AKR1D1: variants seen among roughly 807,000 people sequenced by gnomAD.
AKR1D1 encodes the protein delta(4)-3-ketosteroid 5-beta-reductase.
Under a neutral mutation model 42.6 loss-of-function variants are expected in AKR1D1, and 32 were observed. That is an observed-to-expected ratio of 0.75 (90% CI 0.57 to 1.01). The LOEUF is 1.01. Ranked by LOEUF, AKR1D1 falls within the 50% of genes least tolerant of loss-of-function variation. AKR1D1 has a pLI of 0.00. For missense variants in AKR1D1, 364 were observed against 402.2 expected, an observed-to-expected ratio of 0.91 and a Z score of 0.81; for synonymous variants, 123 against 135.5, an observed-to-expected ratio of 0.91 and a Z score of 0.64.
chr7:138,078,616 C>T (rs1004679853), intron 1 of AKR1D1, among the ~76,000 whole-genome samples: 1 of 152,198 alleles, frequency 6.6e-6, no homozygotes, highest in Non-Finnish European at 1.5e-5. Flanking sequence ...CAGAGATTCT[C>T]AAAGCTATAT....
chr7:138,076,631 C>T lies in AKR1D1; in HGVS notation c.93+20C>T, dbSNP rs1254052412. 7.0e-6 allele frequency: 11 copies of T among 1,575,630 alleles called. No homozygotes were observed. Among genetic ancestry groups the T allele is most frequent in the African/African-American group, 1.4e-5 (1 of 74,004 alleles). On this transcript the variant is annotated intron_variant, in intron 1 of 8. Coordinates refer to ENST00000242375, the MANE Select transcript of AKR1D1 (RefSeq NM_005989.4). Reference sequence around the variant, plus strand: ...AAATCGGTAAGCTTATTTTTTCTCTCTTTGCTTGCTTGTTTGTTTCTTTTA... The same window carrying T: ...AAATCGGTAAGCTTATTTTTTCTCTTTTTGCTTGCTTGTTTGTTTCTTTTA...
intron 1 of AKR1D1, among the ~76,000 whole-genome samples, chr7:138,079,234 C>A (rs181759995): frequency 3.3e-5 from 5 of 152,110 alleles, no homozygotes; most frequent in Non-Finnish European, 7.4e-5. Context: ...TGCTCTTATA[C>A]CAAGTAATTT....
At chr7:138,094,204 T>C (rs1018040662) in intron 3 of AKR1D1, among the ~76,000 whole-genome samples, 1 of 152,112 alleles carries the variant, frequency 6.6e-6, no homozygotes, top group African/African-American at 2.4e-5. Context: ...TTTTTGGTGT[T>C]TGTTTGTTTG....
chr7:138,099,507 AAC>A (rs1211991846), intron 4 of AKR1D1, among the ~76,000 whole-genome samples: 7 of 152,332 alleles, frequency 4.6e-5, no homozygotes, highest in South Asian at 2.1e-4. Flanking sequence ...AAAAAATAAA[AAC>A]ACAATGCAAT....
At chr7:138,099,680 C>T (rs61397236) in intron 4 of AKR1D1, among the ~76,000 whole-genome samples, 1 of 151,248 alleles carries the variant, frequency 6.6e-6, no homozygotes, top group East Asian at 1.9e-4. Flanking sequence ...CAACTGGACT[C>T]TAAGAAAAAA....
At chr7:138,104,414 C>T (rs1309099712) in intron 4 of AKR1D1, among the ~76,000 whole-genome samples, 3 of 151,700 alleles carry the variant, frequency 2.0e-5, no homozygotes, top group African/African-American at 7.3e-5. Flanking sequence ...ATAAAAATTG[C>T]CAGCCAGGCG....
chr7:138,097,168 C>T (rs1485952517), intron 3 of AKR1D1, among the ~76,000 whole-genome samples: 1 of 152,168 alleles, frequency 6.6e-6, no homozygotes, highest in Non-Finnish European at 1.5e-5. Flanking sequence ...CTCTACTACT[C>T]ATTCATGTGC....
intron 3 of AKR1D1, among the ~76,000 whole-genome samples, chr7:138,095,642 C>A (rs1345992316): frequency 6.6e-6 from 1 of 152,178 alleles, no homozygotes; most frequent in African/African-American, 2.4e-5. Flanking sequence ...TCTCTTGCCT[C>A]AGCCTGCTGA....
Position 138,090,177 on chromosome 7 carries a change from A to G in AKR1D1, c.261+1409A>G, listed in dbSNP as rs970677606. Among the ~76,000 whole-genome samples the G allele has an allele frequency of 3.3e-5, 5 of 152,178 alleles. No individual in the cohort carries two copies. In the East Asian group the frequency reaches 7.7e-4, roughly 23 times the overall value. On this transcript the variant is annotated intron_variant, in intron 2 of 8. Coordinates refer to ENST00000242375, the MANE Select transcript of AKR1D1 (RefSeq NM_005989.4). ...ACTTAGATGGGATTGCAATAGGAAC[A>G]CCAAAGAGACCCAGAGTAGCAATCA...
intron 1 of AKR1D1, among the ~76,000 whole-genome samples, chr7:138,079,763 T>TTATA (rs1246410463): frequency 6.6e-6 from 1 of 152,254 alleles, no homozygotes. Context: ...GTAGTGGATC[T>TTATA]TATATAACCC....
intron 7 of AKR1D1, among the ~76,000 whole-genome samples, chr7:138,108,835 A>G (rs1794482976): frequency 6.6e-6 from 1 of 152,240 alleles, no homozygotes; most frequent in Admixed American, 6.5e-5. Flanking sequence ...TAACTATATG[A>G]GGTAATGCAT....
chr7:138,084,779 C>T (rs1003684737), intron 1 of AKR1D1, among the ~76,000 whole-genome samples: 2 of 151,430 alleles, frequency 1.3e-5, no homozygotes, highest in East Asian at 2.0e-4. Context: ...AAGTGTGGGC[C>T]GGGTGCAGTG....
chr7:138,088,271 A>G (rs375930836), intron 1 of AKR1D1, among the ~76,000 whole-genome samples: 3 of 152,210 alleles, frequency 2.0e-5, no homozygotes, highest in African/African-American at 7.2e-5. Flanking sequence ...TTTGATTTAT[A>G]ATTTAGCCTT....
chr7:138,097,862 TCAGC>T lies in AKR1D1; in HGVS notation c.379_382del (p.Pro127GlufsTer36). On this transcript the variant is annotated splice_acceptor_variant and splice_polypyrimidine_tract_variant and coding_sequence_variant and intron_variant, in exon 4 of 9. Transcript: ENST00000242375. LOFTEE classifies it high-confidence loss of function. ...TACATTTATTCTTTTTTTTTTTTTT[TCAGC>T]CAGGAGATGAAATATACCCTAGAGA... 2.0e-6 allele frequency: 3 copies of T among 1,503,172 alleles called. No individual in the cohort carries two copies. Among genetic ancestry groups the T allele is most frequent in the Admixed American group, 1.8e-5 (1 of 54,412 alleles). The allele number at this position is 1,503,172 out of a possible 1,614,324, so 93.1% of individuals were successfully genotyped here.
chr7:138,091,536 A>C (rs568378474), intron 2 of AKR1D1, among the ~76,000 whole-genome samples: 1 of 152,232 alleles, frequency 6.6e-6, no homozygotes, highest in South Asian at 2.1e-4. Flanking sequence ...TGTGAATAAA[A>C]TGTGTACAAG....
At chr7:138,084,853 C>T (rs920354990) in intron 1 of AKR1D1, among the ~76,000 whole-genome samples, 2 of 151,816 alleles carry the variant, frequency 1.3e-5, no homozygotes, top group South Asian at 2.1e-4. Flanking sequence ...GTCAAGAGAT[C>T]GAGACCATCC....
chr7:138,098,909 A>G (rs983246574), intron 4 of AKR1D1, among the ~76,000 whole-genome samples: 2 of 152,118 alleles, frequency 1.3e-5, no homozygotes, highest in Admixed American at 1.3e-4. Context: ...ATGTTGCCGC[A>G]CAGGTGGAAA....
chr7:138,081,787 G>C (rs1803064424), intron 1 of AKR1D1, among the ~76,000 whole-genome samples: 1 of 152,004 alleles, frequency 6.6e-6, no homozygotes, highest in Non-Finnish European at 1.5e-5. Context: ...TCTCCCTGTT[G>C]ATCAGGCTGG....
rs771423805 is a variant in AKR1D1, at chr7:138,088,729, A to C, written c.222A>C (p.Glu74Asp). The change falls in exon 2 of 9, where the codon GAA becomes GAC. Residue 74 changes from glutamate (E) to aspartate (D), a missense_variant. Glu to Asp is a conservative substitution (Grantham distance 45). Transcript: ENST00000242375. The part of the protein sequence containing the change: ...VGEAIREKIA[E>D]GKVRREDIFY... ...AGGCCATCAGGGAGAAGATAGCAGA[A>C]GGAAAGGTGCGGAGGGAAGATATCT... is the stretch of plus-strand genomic sequence containing the variant. 3.1e-6 allele frequency: 5 copies of C among 1,611,878 alleles called. No homozygotes were observed. Among genetic ancestry groups the C allele is most frequent in the Non-Finnish European group, 3.4e-6 (4 of 1,178,982 alleles).
Sources: gnomAD v4.1 joint callset for allele counts (sites outside exome capture counted in the v4.1 genomes callset) on GRCh38, gnomAD v4.1.1 for gene constraint, MANE v1.5 for transcripts, NCBI Gene and HGNC (gene_info 2026-07-23, HGNC 2026-07-21) for gene names.